The following GLYR1 variants were observed in gnomAD, a reference collection of about 807,000 sequenced individuals.
GLYR1 encodes cytokine-like nuclear factor N-PAC.
GLYR1 carries 21 observed loss-of-function variants against 72.7 expected under a neutral mutation model. That is an observed-to-expected ratio of 0.29 (90% confidence interval 0.20 to 0.42). The LOEUF (loss-of-function observed/expected upper bound fraction) is 0.42, where lower values mean the gene tolerates loss of function less well. Among genes scored for constraint, GLYR1 ranks in the 10% least tolerant of loss-of-function variants. The pLI is 1.00. For missense variants in GLYR1, 594 were observed against 712.1 expected (o/e 0.83, Z 1.89); for synonymous variants, 392 against 270.2 (o/e 1.45, Z -4.42).
chr16:4,826,370 T>C (rs899460906), intron 5 of GLYR1, among the ~76,000 whole-genome samples: 2 of 152,188 alleles, frequency 1.3e-5, no homozygotes, highest in Admixed American at 1.3e-4. Context: ...CCTTCCAAAG[T>C]GCTGGGATTA....
intron 9 of GLYR1, among the ~76,000 whole-genome samples, chr16:4,819,385 G>A (rs555036380): frequency 2.2e-4 from 33 of 152,184 alleles, no homozygotes; most frequent in African/African-American, 7.0e-4. Context: ...ATAGCTCACC[G>A]CAGCCTCAAA....
Position 4,845,111 on chromosome 16 carries a change from T to C in GLYR1, c.118A>G (p.Lys40Glu). The C allele has an allele frequency of 6.2e-7, 1 of 1,614,096 alleles. No homozygotes were observed. Among genetic ancestry groups the C allele is most frequent in the Non-Finnish European group, 8.5e-7 (1 of 1,179,974 alleles). ...CCAAAAAATTTCACAAAGAAGCATT[T>C]CTTTCCGCGAGGTTTCTTCAAGTCC... Reference protein sequence around the residue: ...PKDLKKPRGKKCFFVKFFGTE... With the variant: ...PKDLKKPRGKECFFVKFFGTE... The change falls in exon 3 of 16, where the codon AAA (lysine) becomes GAA (glutamate). Residue 40 changes from lysine to glutamate, a missense_variant. By Grantham distance (56) the Lys-to-Glu change is moderately conservative. Coordinates refer to ENST00000321919, the MANE Select transcript of GLYR1 (RefSeq NM_032569.4).
At chr16:4,831,841 T>C in intron 5 of GLYR1, 138 bp downstream of exon 5, 1 of 1,282,268 alleles carries the variant, frequency 7.8e-7, no homozygotes, top group Non-Finnish European at 1.0e-6. Context: ...CCCTGCAGGA[T>C]TCTTGAGCAC....
In GLYR1 at chr16:4,846,436, A is replaced by G. The variant is rs530642935; in HGVS notation, c.39-226T>C. Among the ~76,000 whole-genome samples, 6 of 152,372 alleles carry G rather than the reference A, an allele frequency of 3.9e-5. No homozygotes were observed. In the East Asian group the frequency reaches 9.6e-4, roughly 24 times the overall value. On this transcript the variant is annotated intron_variant, in intron 1 of 15. Coordinates refer to ENST00000321919, the MANE Select transcript of GLYR1 (RefSeq NM_032569.4). ...CTGTTGACAAGGAATACAGAACAAC[A>G]CAACTGTCAAAAGTCACTTGTCTAG...
chr16:4,812,450 G>A (rs564227251), intron 12 of GLYR1, among the ~76,000 whole-genome samples: 7 of 152,030 alleles, frequency 4.6e-5, no homozygotes, highest in Non-Finnish European at 1.0e-4. Flanking sequence ...AATCACAGCA[G>A]TGATGAGACG....
At chr16:4,820,212 C>G (rs1399889633) in intron 9 of GLYR1, among the ~76,000 whole-genome samples, 2 of 152,216 alleles carry the variant, frequency 1.3e-5, no homozygotes, top group African/African-American at 2.4e-5. Flanking sequence ...TGGTCTTGAA[C>G]TCCTGACCTC....
rs746782550 is a variant in GLYR1 at position 4,821,418 on chromosome 16, G to A, written c.768C>T (p.Ser256=). 1 of 1,613,688 alleles carries A rather than the reference G, an allele frequency of 6.2e-7. No homozygotes were observed. Among genetic ancestry groups the A allele is most frequent in the Admixed American group, 1.7e-5 (1 of 60,034 alleles). ...TGSTSIQAAD[S]TAVNGSITPT... Reference sequence around the variant, plus strand: ...GTGTGATGCTGCCATTCACGGCTGTGCTGTCAGCTGCCTGGATGGAGGTGG... The same window carrying A: ...GTGTGATGCTGCCATTCACGGCTGTACTGTCAGCTGCCTGGATGGAGGTGG... Residue 256 remains serine, a synonymous_variant, in exon 9 of 16, where the codon AGC becomes AGT. Transcript: ENST00000321919.
chr16:4,811,982 C>T, intron 13 of GLYR1, 104 bp downstream of exon 13: 1 of 1,486,870 alleles, frequency 6.7e-7, no homozygotes, highest in East Asian at 2.3e-5. Flanking sequence ...AAACCTTCCC[C>T]AGGGTCCCCG....
At chr16:4,811,013 G>A (rs2083295412) in intron 15 of GLYR1, among the ~76,000 whole-genome samples, 157 bp downstream of exon 15, 1 of 151,772 alleles carries the variant, frequency 6.6e-6, no homozygotes, top group African/African-American at 2.4e-5. Context: ...GCTGAGGCAG[G>A]AGAATTGCTT....
intron 3 of GLYR1, chr16:4,843,528 C>T: frequency 1.6e-6 from 2 of 1,288,416 alleles, no homozygotes; most frequent in Non-Finnish European, 2.0e-6. Context: ...CAGCTCCAGG[C>T]CAGCGATCTC....
chr16:4,841,651 G>GAACAAC lies in GLYR1; in HGVS notation c.155+3417_155+3422dup, dbSNP rs140268529. 3.7e-4 allele frequency among the ~76,000 whole-genome samples: 55 copies of GAACAAC among 149,990 alleles called. 1 individual carries two copies. The highest frequency in any genetic ancestry group is 2.8e-3 in the Admixed American group (42 of 14,990). Reference sequence around the variant, plus strand: ...AAAAAAAAATCAAGAAACCAAACAAGAACAACAACAACAACAACAACAACA... The same window carrying GAACAAC: ...AAAAAAAAATCAAGAAACCAAACAAGAACAACAACAACAACAACAACAACAACAACA... On this transcript the variant is annotated intron_variant, in intron 3 of 15. Coordinates refer to ENST00000321919, the MANE Select transcript of GLYR1 (RefSeq NM_032569.4).
At chr16:4,830,779 G>C (rs1002450292) in intron 5 of GLYR1, among the ~76,000 whole-genome samples, 1 of 152,184 alleles carries the variant, frequency 6.6e-6, no homozygotes, top group African/African-American at 2.4e-5. Flanking sequence ...AGGCGAGAGA[G>C]GCACTCTCAC....
At chr16:4,828,218 C>T (rs1331394759) in intron 5 of GLYR1, among the ~76,000 whole-genome samples, 2 of 151,594 alleles carry the variant, frequency 1.3e-5, no homozygotes, top group East Asian at 2.0e-4. Context: ...TATAGGCGCC[C>T]ACCACCATGC....
rs2083463276 is a variant in GLYR1 at position 4,813,779 on chromosome 16, G to A, written c.1077C>T (p.Asp359=). 1 of 1,612,782 alleles carries A rather than the reference G, an allele frequency of 6.2e-7. No homozygotes were observed. The highest frequency in any genetic ancestry group is 8.5e-7 in the Non-Finnish European group (1 of 1,179,548). Residue 359 remains aspartate, a synonymous_variant, in exon 12 of 16, where the codon GAC becomes GAT. Transcript: ENST00000321919. ...CGGTGTCAGCGTCCACTGTTGACATGTCCACGTAGCACTTCCCAGGGCGGA... is the reference window on the plus strand; with the variant it reads ...CGGTGTCAGCGTCCACTGTTGACATATCCACGTAGCACTTCCCAGGGCGGA... ...QGIRPGKCYV[D]MSTVDADTVT...
At chr16:4,839,865 T>C (rs573873609) in intron 3 of GLYR1, 82 of 152,312 alleles carry the variant, frequency 5.4e-4, no homozygotes, top group African/African-American at 1.9e-3. Flanking sequence ...GCCTAAGTAG[T>C]GTGTCAATTT....
Position 4,846,176 on chromosome 16 carries a change from T to C in GLYR1, c.73A>G (p.Lys25Glu). 1.9e-6 allele frequency: 3 copies of C among 1,613,954 alleles called. No homozygotes were observed. Among genetic ancestry groups the C allele is most frequent in the Non-Finnish European group, 2.5e-6 (3 of 1,179,874 alleles). ...TCCTTTAGTAGCAAGACACTCACCTTTCCTGGCCAAGGAGGATATCGGCCG... is the reference window on the plus strand; with the variant it reads ...TCCTTTAGTAGCAAGACACTCACCTCTCCTGGCCAAGGAGGATATCGGCCG... ...KLGRYPPWPG[K>E]IVNPPKDLKK... is the part of the protein sequence containing the mutation. The change falls in exon 2 of 16, where the codon AAG (lysine) becomes GAG (glutamate). Residue 25 changes from lysine (K) to glutamate (E), a missense_variant and splice_region_variant. Lys to Glu is a moderately conservative substitution (Grantham distance 56). Transcript: ENST00000321919.
chr16:4,809,188 G>GTTTTT (rs1263215689), intron 15 of GLYR1, among the ~76,000 whole-genome samples: 3 of 95,284 alleles, frequency 3.1e-5, no homozygotes, highest in Admixed American at 2.4e-4. Context: ...AGCAGCTTTC[G>GTTTTT]TTTTTTTTTT....
chr16:4,832,148 C>T lies in GLYR1; in HGVS notation c.368G>A (p.Gly123Asp), dbSNP rs781177744. Residue 123 changes from glycine (G) to aspartate (D), a missense_variant, in exon 5 of 16, where the codon GGT (glycine) becomes GAT (aspartate). Gly to Asp is a moderately conservative substitution (Grantham distance 94). This residue lies in a region of GLYR1 where 252 missense variants were observed against 211.3 expected (regional missense o/e 1.19). Coordinates refer to ENST00000321919, the MANE Select transcript of GLYR1 (RefSeq NM_032569.4). ...SSEERSRPNS[G>D]DEKRKLSLSE... ...CAGGCTAAGTTTGCGCTTCTCATCACCTGAGTTTGGCCTACTTCTCTCCTC... is the reference window on the plus strand; with the variant it reads ...CAGGCTAAGTTTGCGCTTCTCATCATCTGAGTTTGGCCTACTTCTCTCCTC... 6 of 1,614,058 alleles carry T rather than the reference C, an allele frequency of 3.7e-6. No individual in the cohort carries two copies. Among genetic ancestry groups the T allele is most frequent in the Non-Finnish European group, 5.1e-6 (6 of 1,180,050 alleles).
intron 2 of GLYR1, 132 bp downstream of exon 2, chr16:4,846,041 GA>G (rs988026168): frequency 3.6e-5 from 33 of 914,828 alleles, no homozygotes; most frequent in Non-Finnish European, 4.7e-5. Flanking sequence ...GATACTAGGG[GA>G]AAAAAAATTC....
Sources: allele counts gnomAD v4.1 joint callset (sites outside exome capture counted in the v4.1 genomes callset), GRCh38; gene constraint gnomAD v4.1.1; regional missense constraint gnomAD v4.1.1; transcripts MANE v1.5; gene names NCBI Gene and HGNC (gene_info 2026-07-23, HGNC 2026-07-21).